The following PNLDC1 variants were observed in gnomAD, a reference collection of about 807,000 sequenced individuals.
PNLDC1 encodes PARN like ribonuclease domain containing exonuclease 1.
A neutral mutation model predicts 82.0 loss-of-function variants in PNLDC1; 70 were observed. The observed-to-expected ratio is 0.85, with a 90% CI of 0.70 to 1.04. The LOEUF is 1.04. Among genes scored for constraint, PNLDC1 ranks in the 50% least tolerant of loss-of-function variants. The probability of loss-of-function intolerance (pLI) is 0.00; values close to 1 mark genes in which losing one functional copy is unlikely to be tolerated. For synonymous variants in PNLDC1, 280 were observed against 249.3 expected (o/e 1.12, Z -1.16); for missense variants, 631 against 661.1 (o/e 0.95, Z 0.50).
chr6:159,800,922 G>A (rs983871358), intron 2 of PNLDC1, 93 bp downstream of exon 2: 122 of 1,573,702 alleles, frequency 7.8e-5, no homozygotes, highest in Non-Finnish European at 1.0e-4. Flanking sequence ...GGGGCAGGAC[G>A]TTTTGTGTGG....
chr6:159,816,965 G>A lies in PNLDC1; in HGVS notation c.1115-144G>A, dbSNP rs538737036. The A allele has an allele frequency of 4.8e-5, 40 of 841,696 alleles. No individual in the cohort carries two copies. The South Asian group carries it at 6.1e-4, about 13-fold the overall frequency. The allele number at this position is 841,696 out of a possible 1,614,324, so 52.1% of individuals were successfully genotyped here. A position where few individuals can be genotyped will look rare whatever the true frequency, so the allele number is the denominator to read the frequency against. ...CAGGCATGAGCCACCACACCCAGCT[G>A]GAGACTTACTTTTTGTTGGCAGTAT... On this transcript the variant is annotated intron_variant, in intron 14 of 18. Coordinates refer to ENST00000392167, the MANE Select transcript of PNLDC1 (RefSeq NM_001271862.2).
intron 3 of PNLDC1, 114 bp downstream of exon 3, chr6:159,801,300 A>G (rs2115021968): frequency 9.6e-7 from 1 of 1,042,802 alleles, no homozygotes; most frequent in East Asian, 2.4e-5. Context: ...ATCGTTTTGT[A>G]TGCTTGTTTT....
At chr6:159,814,803 G>A (rs1170064301) in intron 12 of PNLDC1, among the ~76,000 whole-genome samples, 1 of 152,158 alleles carries the variant, frequency 6.6e-6, no homozygotes, top group Admixed American at 6.5e-5. Flanking sequence ...TGAGAAAATA[G>A]TGTGTAACTC....
chr6:159,802,487 G>GT (rs989252077), intron 3 of PNLDC1, among the ~76,000 whole-genome samples: 155 of 148,804 alleles, frequency 1.0e-3, no homozygotes, highest in East Asian at 8.8e-3. Flanking sequence ...TTCTGTTATG[G>GT]TTTTTTTTTT....
intron 18 of PNLDC1, among the ~76,000 whole-genome samples, chr6:159,820,054 T>A (rs1781985122): frequency 6.6e-6 from 1 of 152,030 alleles, no homozygotes; most frequent in South Asian, 2.1e-4. Flanking sequence ...GGGTCACAGC[T>A]CGGTGCAGCC....
intron 11 of PNLDC1, among the ~76,000 whole-genome samples, chr6:159,812,970 G>C (rs941670535): frequency 2.0e-4 from 30 of 152,168 alleles, no homozygotes; most frequent in African/African-American, 7.0e-4. Flanking sequence ...ATTGCAGTGA[G>C]CCGAGATTGC....
In PNLDC1 at chr6:159,819,341, C is replaced by G; in HGVS notation, c.1521C>G (p.Asn507Lys). Residue 507 changes from asparagine to lysine, a missense_variant, in exon 18 of 19, where the codon AAC (asparagine) becomes AAG (lysine). Coordinates refer to ENST00000392167, the MANE Select transcript of PNLDC1 (RefSeq NM_001271862.2). This position sits in a 1 kb window ranked among gnomAD's most constrained non-coding sequence, Gnocchi z 4.6. ...YRYWRHSPNV[N>K]CLLQVCGIVT... ...ACTGGAGGCACTCCCCAAACGTCAA[C>G]TGCCTGCTCCAGTAAGTGACAGGCT... 6.2e-7 allele frequency: 1 copy of G among 1,613,726 alleles called. No individual in the cohort carries two copies. Among genetic ancestry groups the G allele is most frequent in the South Asian group, 1.1e-5 (1 of 91,076 alleles).
intron 11 of PNLDC1, among the ~76,000 whole-genome samples, chr6:159,813,287 C>T (rs982354545): frequency 6.6e-6 from 1 of 152,172 alleles, no homozygotes; most frequent in African/African-American, 2.4e-5. Context: ...CCATGTATGT[C>T]CCTGGCCTTT....
At chr6:159,805,001 C>A (rs1020198286) in intron 6 of PNLDC1, among the ~76,000 whole-genome samples, 2 of 152,212 alleles carry the variant, frequency 1.3e-5, no homozygotes, top group African/African-American at 2.4e-5. Context: ...GTTGATCCCC[C>A]ATGTGATCTT....
intron 12 of PNLDC1, among the ~76,000 whole-genome samples, chr6:159,813,876 C>T (rs1192568496): frequency 6.6e-6 from 1 of 152,184 alleles, no homozygotes; most frequent in Non-Finnish European, 1.5e-5. Flanking sequence ...AATCTCTCAA[C>T]CCCTGCCCCT....
At position 159,816,955 on chromosome 6, in the gene PNLDC1, A is replaced by ACACC. The variant is rs1781855875; in HGVS notation, c.1115-151_1115-148dup. 2.0e-5 allele frequency among the ~76,000 whole-genome samples: 3 copies of ACACC among 152,202 alleles called. No homozygotes were observed. The South Asian group carries it at 6.2e-4, about 31-fold the overall frequency. ...GCTGGGATTACAGGCATGAGCCACC[A>ACACC]CACCCAGCTGGAGACTTACTTTTTG... On this transcript the variant is annotated intron_variant, in intron 14 of 18. Transcript: ENST00000392167.
At chr6:159,807,239 C>T (rs1266678426) in intron 7 of PNLDC1, among the ~76,000 whole-genome samples, 1 of 152,138 alleles carries the variant, frequency 6.6e-6, no homozygotes, top group African/African-American at 2.4e-5. Flanking sequence ...GTTGCTTAGA[C>T]TTGAAGGTTT....
In PNLDC1 at chr6:159,804,535, G is replaced by C. The variant is rs760207534; in HGVS notation, c.373-14G>C. On this transcript the variant is annotated splice_polypyrimidine_tract_variant and intron_variant, in intron 5 of 18. Transcript: ENST00000392167. ...GTCTCCTTGTTCTGTTTGTTGTTCT[G>C]TTTCTGTCTTAAGTTTCTCAAAAAC... is the stretch of plus-strand genomic sequence containing the variant. 18 of 1,537,546 alleles carry C rather than the reference G, an allele frequency of 1.2e-5. No homozygotes were observed. Among genetic ancestry groups the C allele is most frequent in the Non-Finnish European group, 1.6e-5 (18 of 1,111,110 alleles).
In PNLDC1 at chr6:159,819,329, C is replaced by G. The variant is rs368930178; in HGVS notation, c.1509C>G (p.Ser503=). The G allele has an allele frequency of 2.1e-5, 34 of 1,613,840 alleles. 1 individual carries two copies. The highest frequency in any genetic ancestry group is 8.9e-5 in the East Asian group (4 of 44,868). The change falls in exon 18 of 19, where the codon TCC becomes TCG. Residue 503 remains serine, a synonymous_variant. Coordinates refer to ENST00000392167, the MANE Select transcript of PNLDC1 (RefSeq NM_001271862.2). This position sits in a 1 kb window ranked among gnomAD's most constrained non-coding sequence, Gnocchi z 4.6. ...CCCTGTACCGCTACTGGAGGCACTCCCCAAACGTCAACTGCCTGCTCCAGT... is the reference window on the plus strand; with the variant it reads ...CCCTGTACCGCTACTGGAGGCACTCGCCAAACGTCAACTGCCTGCTCCAGT... ...CISLYRYWRH[S]PNVNCLLQVC...
chr6:159,818,457 G>A, intron 15 of PNLDC1, 98 bp from the exon 16 acceptor site: 1 of 1,081,926 alleles, frequency 9.2e-7, no homozygotes, highest in East Asian at 2.4e-5. Flanking sequence ...CCGTCCGAGG[G>A]AGTGTCCTTC....
In PNLDC1 at chr6:159,819,423, T is replaced by C; in HGVS notation, c.1532+71T>C. 1 of 1,357,926 alleles carries C rather than the reference T, an allele frequency of 7.4e-7. No homozygotes were observed. 84.1% of individuals were successfully genotyped at this position (1,357,926 alleles called of 1,614,324 possible). On this transcript the variant is annotated intron_variant, in intron 18 of 18. Coordinates refer to ENST00000392167, the MANE Select transcript of PNLDC1 (RefSeq NM_001271862.2). This position sits in a 1 kb window ranked among gnomAD's most constrained non-coding sequence, Gnocchi z 4.6. ...TGCCCGGGGTCCCAGCATCCCAGCA[T>C]GGTCTGACTCGAGCACAGCTCACTT...
In PNLDC1 at chr6:159,808,778, G is replaced by A; in HGVS notation, c.601G>A (p.Ala201Thr). The change falls in exon 8 of 19, where the codon GCC (alanine) becomes ACC (threonine). Residue 201 changes from alanine (A) to threonine (T), a missense_variant. By Grantham distance (58) the Ala-to-Thr change is moderately conservative. Coordinates refer to ENST00000392167, the MANE Select transcript of PNLDC1 (RefSeq NM_001271862.2). ...TGAGGTCCAACTGGTGCTGAGGCAG[G>A]CCCTCCCCAACATCTGGACGGTGCT... ...AFEVQLVLRQ[A>T]LPNIWTVLKD... 1.9e-6 allele frequency: 3 copies of A among 1,614,066 alleles called. No homozygotes were observed. Among genetic ancestry groups the A allele is most frequent in the Non-Finnish European group, 2.5e-6 (3 of 1,179,994 alleles).
chr6:159,820,056 G>A (rs903130042), intron 18 of PNLDC1, among the ~76,000 whole-genome samples: 5 of 152,174 alleles, frequency 3.3e-5, no homozygotes, highest in South Asian at 2.1e-4. Flanking sequence ...GTCACAGCTC[G>A]GTGCAGCCAG....
At chr6:159,805,133 C>T (rs2115031102) in intron 6 of PNLDC1, among the ~76,000 whole-genome samples, 1 of 152,306 alleles carries the variant, frequency 6.6e-6, no homozygotes, top group Admixed American at 6.5e-5. Context: ...ACCCTGCTCC[C>T]CTAGGCCGGG....
Sources: gnomAD v4.1 joint callset for allele counts (sites outside exome capture counted in the v4.1 genomes callset) on GRCh38, gnomAD v4.1.1 for gene constraint, Gnocchi (gnomAD v3.1) non-coding constraint, MANE v1.5 for transcripts, NCBI Gene and HGNC (gene_info 2026-07-23, HGNC 2026-07-21) for gene names.